ABHD2: variants seen among roughly 807,000 people sequenced by gnomAD.
ABHD2 encodes the protein abhydrolase domain containing 2, acylglycerol lipase, also known as monoacylglycerol lipase ABHD2.
In ABHD2, 20 loss-of-function variants were observed where a neutral mutation model predicts 48.1. The observed-to-expected ratio is 0.42, with a 90% CI of 0.29 to 0.60. ABHD2 has a LOEUF of 0.60. Ranked by LOEUF, ABHD2 falls within the 20% of genes least tolerant of loss-of-function variation. The pLI is 0.24. For synonymous variants in ABHD2, 209 were observed against 214.2 expected (o/e 0.98, Z 0.21); for missense variants, 405 against 550.9 (o/e 0.74, Z 2.65).
chr15:89,107,241 G>T (rs1257607018), intron 1 of ABHD2, among the ~76,000 whole-genome samples: 2 of 152,270 alleles, frequency 1.3e-5, no homozygotes, highest in East Asian at 3.9e-4. Context: ...AACTGTTTAT[G>T]GGACATGATG....
the ABHD2 span, among the ~76,000 whole-genome samples, chr15:89,078,677 A>G: frequency 6.6e-6 from 1 of 151,522 alleles, no homozygotes; most frequent in African/African-American, 2.4e-5. Context: ...CTCCTGATGA[A>G]CTACCCCTAA....
At position 89,091,261 on chromosome 15, in the gene ABHD2, T is replaced by C. The variant is rs1171964720; in HGVS notation, c.-107+2698T>C. ...GCAGGAATCCAGTCACCTTTGATTT[T>C]CTCTTCTGTTTTTACTTGTTTTCTA... On this transcript the variant is annotated intron_variant, in intron 1 of 10. Transcript: ENST00000352732. This position sits in a 1 kb window ranked among gnomAD's most constrained non-coding sequence, Gnocchi z 5.5. 6.6e-6 allele frequency among the ~76,000 whole-genome samples: 1 copy of C among 152,200 alleles called. No individual in the cohort carries two copies. The highest frequency in any genetic ancestry group is 1.5e-5 in the Non-Finnish European group (1 of 68,038).
chr15:89,072,287 C>G, the ABHD2 span, among the ~76,000 whole-genome samples: 4 of 152,208 alleles, frequency 2.6e-5, no homozygotes, highest in African/African-American at 9.6e-5. Flanking sequence ...ACCAGCCTGA[C>G]CAACATGGCG....
At chr15:89,051,624 G>T in the ABHD2 span, among the ~76,000 whole-genome samples, 1 of 152,110 alleles carries the variant, frequency 6.6e-6, no homozygotes, top group Non-Finnish European at 1.5e-5. Flanking sequence ...TCATGGGGGC[G>T]GGTCTTTCCC....
In ABHD2 at chr15:89,176,121, G is replaced by A; in HGVS notation, c.722+126G>A. 3 of 1,032,268 alleles carry A rather than the reference G, an allele frequency of 2.9e-6. No homozygotes were observed. Among genetic ancestry groups the A allele is most frequent in the Admixed American group, 5.9e-5 (2 of 33,750 alleles). 63.9% of individuals were successfully genotyped at this position (1,032,268 alleles called of 1,614,324 possible). A position where few individuals can be genotyped will look rare whatever the true frequency, so the allele number is the denominator to read the frequency against. On this transcript the variant is annotated intron_variant, in intron 6 of 10. Coordinates refer to ENST00000352732, the MANE Select transcript of ABHD2 (RefSeq NM_152924.5). This position sits in a 1 kb window ranked among gnomAD's most constrained non-coding sequence, Gnocchi z 4.5. ...TGGCCGACTGAGTAGAAGTTTCTGA[G>A]TCTTGGACTCACCTTGTTTTGTCTG... is the stretch of plus-strand genomic sequence containing the variant.
At chr15:89,045,861 C>T in the ABHD2 span, among the ~76,000 whole-genome samples, 5 of 152,204 alleles carry the variant, frequency 3.3e-5, no homozygotes, top group African/African-American at 1.2e-4. Flanking sequence ...ATTTGACTTC[C>T]TCTTTTCCTA....
rs2051170743 is a variant in ABHD2 at position 89,184,415 on chromosome 15, G to T, written c.723-1009G>T. ...AACCTAGTAGAAGTAGTGACGTCCA[G>T]ATCCATTCACAGGGTGGAGTCAGGC... On this transcript the variant is annotated intron_variant, in intron 6 of 10. Transcript: ENST00000352732. This position sits in a 1 kb window ranked among gnomAD's most constrained non-coding sequence, Gnocchi z 5.1. 6.6e-6 allele frequency among the ~76,000 whole-genome samples: 1 copy of T among 152,210 alleles called. No individual in the cohort carries two copies. Among genetic ancestry groups the T allele is most frequent in the South Asian group, 2.1e-4 (1 of 4,830 alleles).
In ABHD2 at chr15:89,197,121, C is replaced by A. The variant is rs573547109; in HGVS notation, c.*1698C>A. 1 of 152,734 alleles carries A rather than the reference C, an allele frequency of 6.5e-6. No individual in the cohort carries two copies. Among genetic ancestry groups the A allele is most frequent in the East Asian group, 1.9e-4 (1 of 5,164 alleles). The allele number at this position is 152,734 out of a possible 1,614,324, so 9.5% of individuals were successfully genotyped here. On this transcript the variant is annotated 3_prime_UTR_variant, in exon 11 of 11. Coordinates refer to ENST00000352732, the MANE Select transcript of ABHD2 (RefSeq NM_152924.5). The surrounding 1 kb of genome is among the most constrained non-coding windows in gnomAD (Gnocchi z 4.4). ...GGTGGGTGTGGTTTGGGCACGGGTCCAAGTGACTGTGACGGGACCCGTGGG... is the reference window on the plus strand; with the variant it reads ...GGTGGGTGTGGTTTGGGCACGGGTCAAAGTGACTGTGACGGGACCCGTGGG...
chr15:89,196,545 A>G lies in ABHD2; in HGVS notation c.*1122A>G, dbSNP rs1185450560. 6.6e-6 allele frequency: 1 copy of G among 152,186 alleles called. No individual in the cohort carries two copies. The highest frequency in any genetic ancestry group is 1.5e-5 in the Non-Finnish European group (1 of 68,022). The allele number at this position is 152,186 out of a possible 1,614,324, so 9.4% of individuals were successfully genotyped here. On this transcript the variant is annotated 3_prime_UTR_variant, in exon 11 of 11. Coordinates refer to ENST00000352732, the MANE Select transcript of ABHD2 (RefSeq NM_152924.5). ...TGGGAGCTGCTCTCCCAGTCTAAGC[A>G]TGTAGATATCATCGTTTGCCTTTTG...
At chr15:89,118,667 A>T (rs191658462) in intron 3 of ABHD2, among the ~76,000 whole-genome samples, 3 of 152,164 alleles carry the variant, frequency 2.0e-5, no homozygotes, top group Non-Finnish European at 4.4e-5. Flanking sequence ...TCCACCCAGC[A>T]TTGGTTCCTG....
At position 89,174,166 on chromosome 15, in the gene ABHD2, C is replaced by A. The variant is rs143646836; in HGVS notation, c.539-1646C>A. Among the ~76,000 whole-genome samples the A allele has an allele frequency of 2.5e-3, 380 of 152,068 alleles. 1 individual carries two copies. Among genetic ancestry groups the A allele is most frequent in the African/African-American group, 8.3e-3 (345 of 41,442 alleles). On this transcript the variant is annotated intron_variant, in intron 5 of 10. Transcript: ENST00000352732. This position sits in a 1 kb window ranked among gnomAD's most constrained non-coding sequence, Gnocchi z 4.1. ...CCATTAAAAATAAAAAAGAATAGGG[C>A]AGTTTCAAGTGTATTGATGCATAAT...
At chr15:89,133,984 C>T (rs1043282318) in intron 3 of ABHD2, among the ~76,000 whole-genome samples, 1 of 151,780 alleles carries the variant, frequency 6.6e-6, no homozygotes, top group Non-Finnish European at 1.5e-5. Context: ...CTACGGGTGC[C>T]TGCCACCACG....
the ABHD2 span, among the ~76,000 whole-genome samples, chr15:89,074,246 T>A: frequency 6.6e-6 from 1 of 152,012 alleles, no homozygotes; most frequent in Non-Finnish European, 1.5e-5. Flanking sequence ...CGTGATGGCG[T>A]GCTCCTGTAA....
Position 89,200,112 on chromosome 15 carries a change from C to T in ABHD2, c.*4689C>T, listed in dbSNP as rs1014329719. 2 of 152,134 alleles carry T rather than the reference C, an allele frequency of 1.3e-5. No individual in the cohort carries two copies. Among genetic ancestry groups the T allele is most frequent in the African/African-American group, 4.8e-5 (2 of 41,430 alleles). The allele number at this position is 152,134 out of a possible 1,614,324, so 9.4% of individuals were successfully genotyped here. A position where few individuals can be genotyped will look rare whatever the true frequency, so the allele number is the denominator to read the frequency against. ...TTTCCTAGCATGTATGTGGGTAGAG[C>T]TTTCATGCATCTCTAGTAATAATAA... On this transcript the variant is annotated 3_prime_UTR_variant, in exon 11 of 11. Coordinates refer to ENST00000352732, the MANE Select transcript of ABHD2 (RefSeq NM_152924.5).
rs2051210452 is a variant in ABHD2, at chr15:89,186,379, A to G, written c.815+863A>G. Among the ~76,000 whole-genome samples the G allele has an allele frequency of 6.6e-6, 1 of 152,072 alleles. No homozygotes were observed. Among genetic ancestry groups the G allele is most frequent in the Non-Finnish European group, 1.5e-5 (1 of 68,010 alleles). ...GATAAATATTAGCAATGACTTTTTC[A>G]TTATGATTATTATTATTGCTGACAT... On this transcript the variant is annotated intron_variant, in intron 7 of 10. Coordinates refer to ENST00000352732, the MANE Select transcript of ABHD2 (RefSeq NM_152924.5). This position sits in a 1 kb window ranked among gnomAD's most constrained non-coding sequence, Gnocchi z 4.3.
At chr15:89,058,345 G>A in the ABHD2 span, among the ~76,000 whole-genome samples, 1 of 152,102 alleles carries the variant, frequency 6.6e-6, no homozygotes, top group Non-Finnish European at 1.5e-5. Context: ...CTACCCCTTG[G>A]CCACTCCTAG....
At chr15:89,064,196 G>A in the ABHD2 span, among the ~76,000 whole-genome samples, 2 of 142,896 alleles carry the variant, frequency 1.4e-5, no homozygotes, top group African/African-American at 5.2e-5. Context: ...TTCTTTGTAT[G>A]TATTTATATA....
At chr15:89,172,703 C>T (rs970935992) in intron 5 of ABHD2, among the ~76,000 whole-genome samples, 3 of 152,208 alleles carry the variant, frequency 2.0e-5, no homozygotes, top group Non-Finnish European at 4.4e-5. Context: ...ACTTTATTCA[C>T]ATCTCTAAAC....
At chr15:89,133,788 G>A (rs1263738094) in intron 3 of ABHD2, among the ~76,000 whole-genome samples, 1 of 149,340 alleles carries the variant, frequency 6.7e-6, no homozygotes, top group Non-Finnish European at 1.5e-5. Context: ...TTCTCAGTTT[G>A]TCATTTGTCT....
Sources: gnomAD v4.1 joint callset for allele counts (sites outside exome capture counted in the v4.1 genomes callset) on GRCh38, gnomAD v4.1.1 for gene constraint, Gnocchi (gnomAD v3.1) non-coding constraint, MANE v1.5 for transcripts, NCBI Gene and HGNC (gene_info 2026-07-23, HGNC 2026-07-21) for gene names.